Variants in THBS2 observed in about 807,000 individuals in gnomAD.
The protein encoded by THBS2 is thrombospondin 2, also known as thrombospondin-2.
THBS2 carries 47 observed loss-of-function variants against 135.2 expected under a neutral mutation model. The observed-to-expected ratio is 0.35, with a 90% CI of 0.28 to 0.44. The LOEUF is 0.44. Ranked by LOEUF, THBS2 falls within the 20% of genes least tolerant of loss-of-function variation. THBS2 has a pLI of 1.00. For synonymous variants in THBS2, 639 were observed against 633.8 expected, an observed-to-expected ratio of 1.01 and a Z score of -0.12; for missense variants, 1,288 against 1,603.1, an observed-to-expected ratio of 0.80 and a Z score of 3.36.
At chr6:169,249,114 A>T in intron 2 of THBS2, 141 bp from the exon 3 acceptor site, 1 of 835,874 alleles carries the variant, frequency 1.2e-6, no homozygotes, top group Non-Finnish European at 1.8e-6. Flanking sequence ...TCCCTTTTTT[A>T]TGGGAATCCT....
intron 7 of THBS2, among the ~76,000 whole-genome samples, 195 bp from the exon 8 acceptor site, chr6:169,237,990 AC>A (rs1780164490): frequency 6.6e-6 from 1 of 152,198 alleles, no homozygotes. Flanking sequence ...TGTGACCTGC[AC>A]GGGAGTTCAG....
At chr6:169,240,198 T>C (rs1780239808) in intron 6 of THBS2, among the ~76,000 whole-genome samples, 1 of 152,242 alleles carries the variant, frequency 6.6e-6, no homozygotes, top group Admixed American at 6.5e-5. Flanking sequence ...GTTCCTCCTG[T>C]TTCTAACCAA....
chr6:169,232,074 C>T lies in THBS2; in HGVS notation c.2057G>A (p.Gly686Asp). 1 of 1,614,126 alleles carries T rather than the reference C, an allele frequency of 6.2e-7. No homozygotes were observed. Among genetic ancestry groups the T allele is most frequent in the Non-Finnish European group, 8.5e-7 (1 of 1,179,988 alleles). The change falls in exon 13 of 22, where the codon GGC (glycine) becomes GAC (aspartate). Residue 686 changes from glycine (G) to aspartate (D), a missense_variant. Physicochemically the swap from Gly to Asp is moderately conservative, Grantham distance 94. Coordinates refer to ENST00000617924, the MANE Select transcript of THBS2 (RefSeq NM_003247.5). ...YKCECQTGYA[G>D]DGLICGEDSD... ...GTCCTCCCCGCAGATGAGCCCGTCG[C>T]CCGCGTAGCCTGTCTGGCACTCGCA...
intron 9 of THBS2, among the ~76,000 whole-genome samples, chr6:169,236,094 C>T (rs1341436274): frequency 1.7e-4 from 22 of 132,390 alleles, no homozygotes; most frequent in African/African-American, 6.1e-4. Context: ...CACTCCCATC[C>T]ACACTCACTC....
At chr6:169,231,870 C>CCCTCCAAATGTGCCGTTG in intron 13 of THBS2, 110 bp downstream of exon 13, 1 of 1,222,754 alleles carries the variant, frequency 8.2e-7, no homozygotes, top group Non-Finnish European at 1.1e-6. Context: ...GAGAGACCCT[C>CCCTCCAAATGTGCCGTTG]CTTCCAAATT....
rs773948143 is a variant in THBS2 at position 169,248,450 on chromosome 6, C to A, written c.576G>T (p.Val192=). The part of the protein sequence containing the change: ...HLQAEKSRMY[V]AKGSARESHF... The stretch of plus-strand genomic sequence containing the variant: ...GACTCTCTCTGGCAGAGCCTTTGGC[C>A]ACGTACATCCGGCTCTTTTCCGCCT... Residue 192 remains valine, a synonymous_variant, in exon 3 of 22, where the codon GTG becomes GTT. Coordinates refer to ENST00000617924, the MANE Select transcript of THBS2 (RefSeq NM_003247.5). 4.3e-6 allele frequency: 7 copies of A among 1,611,334 alleles called. No individual in the cohort carries two copies. The East Asian group carries it at 8.9e-5, about 21-fold the overall frequency.
At chr6:169,250,054 C>T (rs1780702176) in intron 2 of THBS2, among the ~76,000 whole-genome samples, 2 of 151,950 alleles carry the variant, frequency 1.3e-5, no homozygotes, top group African/African-American at 2.4e-5. Context: ...AAGTAATACA[C>T]TGAACAGAAA....
intron 13 of THBS2, among the ~76,000 whole-genome samples, chr6:169,230,807 G>A (rs769524902): frequency 9.2e-5 from 14 of 152,098 alleles, no homozygotes; most frequent in Admixed American, 9.2e-4. Context: ...CATAGGTTGG[G>A]ATCAGTGCCT....
rs1407639291 is a variant in THBS2, at chr6:169,233,169, A to T, written c.1652-152T>A. ...GGTGTGATTCTGGATGATCATCAAG[A>T]GGCATCATCTCCAAGACCGCATTGC... On this transcript the variant is annotated intron_variant, in intron 10 of 21. Coordinates refer to ENST00000617924, the MANE Select transcript of THBS2 (RefSeq NM_003247.5). The T allele has an allele frequency of 3.3e-6, 4 of 1,220,652 alleles. No homozygotes were observed. The Admixed American group carries it at 1.2e-4, about 37-fold the overall frequency. 75.6% of individuals were successfully genotyped at this position (1,220,652 alleles called of 1,614,324 possible).
rs202122912 is a variant in THBS2 at position 169,237,769 on chromosome 6, G to A, written c.1156C>T (p.Pro386Ser). 20 of 1,611,228 alleles carry A rather than the reference G, an allele frequency of 1.2e-5. No homozygotes were observed. The highest frequency in any genetic ancestry group is 1.7e-5 in the Non-Finnish European group (20 of 1,179,914). ...GAGCACTGGGTCCACTCTGCCCACGGAGACCAGCCCTCCTCACCGTCCACC... is the reference window on the plus strand; with the variant it reads ...GAGCACTGGGTCCACTCTGCCCACGAAGACCAGCCCTCCTCACCGTCCACC... Reference protein sequence around the residue: ...HSVDGEEGWSPWAEWTQCSVT... With the variant: ...HSVDGEEGWSSWAEWTQCSVT... Residue 386 changes from proline to serine, a missense_variant, in exon 8 of 22, where the codon CCG becomes TCG. By Grantham distance (74) the Pro-to-Ser change is moderately conservative. Transcript: ENST00000617924.
At chr6:169,228,074 C>CAAAA in intron 15 of THBS2, 48 bp downstream of exon 15, 2 of 1,431,106 alleles carry the variant, frequency 1.4e-6, no homozygotes, top group South Asian at 1.4e-5. Flanking sequence ...AACTCCATCT[C>CAAAA]AAAAAAAAAA....
In THBS2 at chr6:169,241,610, G is replaced by A; in HGVS notation, c.891+152C>T. 1 of 721,960 alleles carries A rather than the reference G, an allele frequency of 1.4e-6. No individual in the cohort carries two copies. Among genetic ancestry groups the A allele is most frequent in the Non-Finnish European group, 2.2e-6 (1 of 457,668 alleles). 44.7% of individuals were successfully genotyped at this position (721,960 alleles called of 1,614,324 possible). Reference sequence around the variant, plus strand: ...GCTGAATATTGAGCAAGGATCCTGAGGAGCCCGGCAGACACCTCCCCTGTG... The same window carrying A: ...GCTGAATATTGAGCAAGGATCCTGAAGAGCCCGGCAGACACCTCCCCTGTG... On this transcript the variant is annotated intron_variant, in intron 5 of 21. Coordinates refer to ENST00000617924, the MANE Select transcript of THBS2 (RefSeq NM_003247.5). The surrounding 1 kb of genome is among the most constrained non-coding windows in gnomAD (Gnocchi z 5.5).
At chr6:169,246,136 A>T (rs1780546981) in intron 4 of THBS2, 61 bp downstream of exon 4, 49 of 1,412,686 alleles carry the variant, frequency 3.5e-5, no homozygotes, top group Non-Finnish European at 4.8e-5. Flanking sequence ...CACATACACC[A>T]TGTCACAATA....
intron 7 of THBS2, among the ~76,000 whole-genome samples, chr6:169,238,929 T>G (rs1378881119): frequency 6.6e-6 from 1 of 151,910 alleles, no homozygotes; most frequent in Non-Finnish European, 1.5e-5. Flanking sequence ...GGCACGGCAC[T>G]GGGGAGCCAC....
intron 4 of THBS2, among the ~76,000 whole-genome samples, chr6:169,243,422 G>A (rs1485454396): frequency 6.6e-6 from 1 of 152,212 alleles, no homozygotes; most frequent in East Asian, 1.9e-4. Flanking sequence ...CCCTCTCAGG[G>A]GTGAAGATCC....
At chr6:169,246,151 T>C in intron 4 of THBS2, 46 bp downstream of exon 4, 1 of 1,509,050 alleles carries the variant, frequency 6.6e-7, no homozygotes, top group South Asian at 1.1e-5. Context: ...ACAATAGAAA[T>C]CCATCCAAGC....
At position 169,237,809 on chromosome 6, in the gene THBS2, C is replaced by T; in HGVS notation, c.1130-14G>A. 4 of 1,605,776 alleles carry T rather than the reference C, an allele frequency of 2.5e-6. No individual in the cohort carries two copies. The highest frequency in any genetic ancestry group is 3.4e-6 in the Non-Finnish European group (4 of 1,178,006). On this transcript the variant is annotated splice_polypyrimidine_tract_variant and intron_variant, in intron 7 of 21. Coordinates refer to ENST00000617924, the MANE Select transcript of THBS2 (RefSeq NM_003247.5). ...CACCGTCCACCGCTGCCAGAGGAAG[C>T]AAACACGGTGGCATCAGGCCCTGCC... is the stretch of plus-strand genomic sequence containing the variant.
chr6:169,246,314 A>G (rs73046010), intron 3 of THBS2, 33 bp from the exon 4 acceptor site: 373,341 of 1,543,296 alleles, frequency 0.24, 47,941 homozygotes, highest in Middle Eastern at 0.32. Flanking sequence ...AAATAGAGCA[A>G]CAGATAAACA....
chr6:169,249,108 T>G, intron 2 of THBS2, 135 bp from the exon 3 acceptor site: 1 of 847,888 alleles, frequency 1.2e-6, no homozygotes, highest in Non-Finnish European at 1.8e-6. Context: ...CTTCTCTCCC[T>G]TTTTTATGGG....
Sources: gnomAD v4.1 joint callset for allele counts (sites outside exome capture counted in the v4.1 genomes callset) on GRCh38, gnomAD v4.1.1 for gene constraint, Gnocchi (gnomAD v3.1) non-coding constraint, MANE v1.5 for transcripts, NCBI Gene and HGNC (gene_info 2026-07-23, HGNC 2026-07-21) for gene names.